Variants in PTPRD observed in about 807,000 individuals in gnomAD.
PTPRD encodes the protein protein tyrosine phosphatase receptor type D, also known as receptor-type tyrosine-protein phosphatase delta.
Under a neutral mutation model 214.5 loss-of-function variants are expected in PTPRD, and 34 were observed. The observed-to-expected ratio is 0.16, with a 90% CI of 0.12 to 0.21. PTPRD has a LOEUF of 0.21. Ranked by LOEUF, PTPRD falls within the 10% of genes least tolerant of loss-of-function variation. PTPRD has a pLI of 1.00. For synonymous variants in PTPRD, 1,128 were observed against 845.7 expected (o/e 1.33, Z -5.79); for missense variants, 2,545 against 2,398.7 (o/e 1.06, Z -1.27).
chr9:9,670,299 A>G (rs562792510), intron 7 of PTPRD, among the ~76,000 whole-genome samples: 51 of 152,194 alleles, frequency 3.4e-4, no homozygotes, highest in Admixed American at 5.2e-4. Flanking sequence ...GGCAGAAGTA[A>G]TTTCCAAGCA....
At chr9:10,389,793 G>A (rs1020524052) in intron 2 of PTPRD, among the ~76,000 whole-genome samples, 21 of 151,546 alleles carry the variant, frequency 1.4e-4, no homozygotes, top group Admixed American at 3.3e-4. Context: ...ATATTAGTTC[G>A]GTTTCTCCAT....
At chr9:9,905,104 T>A (rs758614113) in intron 5 of PTPRD, among the ~76,000 whole-genome samples, 25 of 151,990 alleles carry the variant, frequency 1.6e-4, no homozygotes, top group Non-Finnish European at 3.2e-4. Flanking sequence ...TCTAAGTAAC[T>A]CACCTTCCCA....
intron 11 of PTPRD, among the ~76,000 whole-genome samples, chr9:8,942,515 G>T (rs1350137609): frequency 6.6e-6 from 1 of 152,052 alleles, no homozygotes; most frequent in Non-Finnish European, 1.5e-5. Context: ...AGTGTGGCCA[G>T]GGAAAAAATC....
intron 9 of PTPRD, among the ~76,000 whole-genome samples, chr9:9,275,576 C>A (rs1226752762): frequency 6.6e-6 from 1 of 151,176 alleles, no homozygotes; most frequent in Non-Finnish European, 1.5e-5. Flanking sequence ...ATTATGCTTT[C>A]TGCTTAGGTT....
At chr9:8,349,800 C>G (rs910704020) in intron 39 of PTPRD, among the ~76,000 whole-genome samples, 1 of 152,130 alleles carries the variant, frequency 6.6e-6, no homozygotes, top group African/African-American at 2.4e-5. Context: ...TTATGTTGGT[C>G]TCTGTTATCC....
At chr9:10,293,854 A>G (rs2095599597) in intron 3 of PTPRD, among the ~76,000 whole-genome samples, 1 of 151,950 alleles carries the variant, frequency 6.6e-6, no homozygotes, top group African/African-American at 2.4e-5. Context: ...AGGTCTTACT[A>G]CTGATTTGTT....
At chr9:9,414,179 A>G (rs1453115423) in intron 8 of PTPRD, among the ~76,000 whole-genome samples, 1 of 152,240 alleles carries the variant, frequency 6.6e-6, no homozygotes, top group Non-Finnish European at 1.5e-5. Context: ...TGAGTGCCTG[A>G]AAGGCAATAA....
intron 9 of PTPRD, among the ~76,000 whole-genome samples, chr9:9,297,448 A>T (rs2802281): frequency 0.023 from 3,472 of 151,682 alleles, 117 homozygotes; most frequent in African/African-American, 0.079. Context: ...AGTTTAAAAC[A>T]TTGAAACAAA....
chr9:9,316,451 T>C (rs1963173140), intron 9 of PTPRD, among the ~76,000 whole-genome samples: 1 of 152,138 alleles, frequency 6.6e-6, no homozygotes, highest in South Asian at 2.1e-4. Context: ...AACAAGACTT[T>C]TATTAGGGTA....
At chr9:10,396,077 G>A (rs180764701) in intron 2 of PTPRD, among the ~76,000 whole-genome samples, 2 of 151,900 alleles carry the variant, frequency 1.3e-5, no homozygotes, top group South Asian at 2.1e-4. Context: ...CCAATCCTTC[G>A]TGAGCCTGAA....
intron 5 of PTPRD, among the ~76,000 whole-genome samples, chr9:9,817,807 T>C (rs2049264026): frequency 6.6e-6 from 1 of 152,140 alleles, no homozygotes. Flanking sequence ...TCACAGGCTT[T>C]TAAAAGTGTT....
chr9:8,658,402 G>A (rs552564702), intron 12 of PTPRD, among the ~76,000 whole-genome samples: 2 of 152,096 alleles, frequency 1.3e-5, no homozygotes, highest in Non-Finnish European at 2.9e-5. Flanking sequence ...CTATTAAATT[G>A]TTCTGACCTT....
chr9:8,570,591 G>A (rs149486480), intron 14 of PTPRD, among the ~76,000 whole-genome samples: 60 of 152,132 alleles, frequency 3.9e-4, no homozygotes, highest in African/African-American at 1.2e-3. Flanking sequence ...ATGACTGCCC[G>A]TTAGGCACAT....
At chr9:9,740,174 A>C (rs1284780621) in intron 6 of PTPRD, among the ~76,000 whole-genome samples, 1 of 151,472 alleles carries the variant, frequency 6.6e-6, no homozygotes, top group African/African-American at 2.4e-5. Flanking sequence ...TGGTTTATTC[A>C]AATATTAGAA....
At chr9:8,955,582 G>C (rs1251336235) in intron 11 of PTPRD, among the ~76,000 whole-genome samples, 1 of 151,746 alleles carries the variant, frequency 6.6e-6, no homozygotes, top group Non-Finnish European at 1.5e-5. Context: ...TTCACAGAAT[G>C]AGGCTTCCTC....
At chr9:9,170,036 T>C (rs919990231) in intron 10 of PTPRD, among the ~76,000 whole-genome samples, 13 of 152,186 alleles carry the variant, frequency 8.5e-5, no homozygotes, top group Non-Finnish European at 1.6e-4. Flanking sequence ...TTTATTTTAT[T>C]GTAGGATTAA....
intron 44 of PTPRD, 62 bp from the exon 45 acceptor site, chr9:8,320,028 T>C: frequency 1.9e-6 from 3 of 1,583,598 alleles, no homozygotes; most frequent in South Asian, 2.3e-5. Context: ...CCACATTTGC[T>C]TGGGTGTGGA....
At chr9:8,798,270 T>G (rs1195486687) in intron 11 of PTPRD, among the ~76,000 whole-genome samples, 1 of 152,182 alleles carries the variant, frequency 6.6e-6, no homozygotes, top group East Asian at 1.9e-4. Context: ...GGGTAAATCC[T>G]AGGATCATTA....
chr9:8,945,803 C>T (rs1316336121), intron 11 of PTPRD, among the ~76,000 whole-genome samples: 1 of 152,170 alleles, frequency 6.6e-6, no homozygotes. Context: ...ATCCTCCTTT[C>T]CATCAGCTAA....
Sources: gnomAD v4.1 joint callset for allele counts (sites outside exome capture counted in the v4.1 genomes callset) on GRCh38, gnomAD v4.1.1 for gene constraint, MANE v1.5 for transcripts, NCBI Gene and HGNC (gene_info 2026-07-23, HGNC 2026-07-21) for gene names.